Variants in VWF observed in about 807,000 individuals in gnomAD.
VWF encodes von Willebrand factor, also known as Factor VIII related antigen.
A neutral mutation model predicts 308.6 loss-of-function variants in VWF; 176 were observed. That is an observed-to-expected ratio of 0.57 (90% CI 0.50 to 0.65). The LOEUF is 0.65. Ranked by LOEUF, VWF falls within the 30% of genes least tolerant of loss-of-function variation. VWF has a pLI of 0.00. For synonymous variants in VWF, 1,385 were observed against 1,443.4 expected (o/e 0.96, Z 0.92); for missense variants, 3,146 against 3,648.2 (o/e 0.86, Z 3.55).
At chr12:5,988,770 C>T (rs889035641) in intron 38 of VWF, among the ~76,000 whole-genome samples, 2 of 152,204 alleles carry the variant, frequency 1.3e-5, no homozygotes, top group African/African-American at 2.4e-5. Context: ...CACTGCTGCA[C>T]AAGCCCAGGC....
intron 40 of VWF, among the ~76,000 whole-genome samples, chr12:5,983,484 C>G (rs908298077): frequency 1.3e-4 from 20 of 148,858 alleles, no homozygotes; most frequent in African/African-American, 4.4e-4. Context: ...TAGATACATA[C>G]ATACATACAT....
chr12:6,005,744 A>G (rs1222601853), intron 34 of VWF, among the ~76,000 whole-genome samples: 1 of 152,226 alleles, frequency 6.6e-6, no homozygotes, highest in East Asian at 1.9e-4. Context: ...ACGGGCAGCC[A>G]AGAATACTCT....
chr12:6,008,881 T>C (rs1190738120), intron 34 of VWF, among the ~76,000 whole-genome samples: 1 of 152,082 alleles, frequency 6.6e-6, no homozygotes, highest in Non-Finnish European at 1.5e-5. Flanking sequence ...AATGAACCTG[T>C]CCACATGAAA....
intron 42 of VWF, among the ~76,000 whole-genome samples, chr12:5,979,758 G>A (rs973803783): frequency 5.9e-5 from 8 of 135,752 alleles, no homozygotes; most frequent in African/African-American, 2.0e-4. Context: ...AAAGAAAAAC[G>A]AGGCCAGGCA....
chr12:6,047,274 G>A (rs532319220), intron 16 of VWF, among the ~76,000 whole-genome samples: 15 of 152,172 alleles, frequency 9.9e-5, no homozygotes, highest in Non-Finnish European at 1.6e-4. Flanking sequence ...TCAGCAGCTC[G>A]GACCGCTCCT....
chr12:5,960,198 C>T (rs1056815008), intron 47 of VWF, among the ~76,000 whole-genome samples: 7 of 151,292 alleles, frequency 4.6e-5, no homozygotes, highest in African/African-American at 1.7e-4. Flanking sequence ...ACTACAGATT[C>T]CACAGATATT....
In VWF at chr12:6,060,242, G is replaced by C. The variant is rs989347510; in HGVS notation, c.1534-2198C>G. Among the ~76,000 whole-genome samples, 5 of 152,198 alleles carry C rather than the reference G, an allele frequency of 3.3e-5. No homozygotes were observed. The highest frequency in any genetic ancestry group is 7.3e-5 in the Non-Finnish European group (5 of 68,028). On this transcript the variant is annotated intron_variant, in intron 13 of 51. Coordinates refer to ENST00000261405, the MANE Select transcript of VWF (RefSeq NM_000552.5). The surrounding 1 kb of genome is among the most constrained non-coding windows in gnomAD (Gnocchi z 5.1). ...TCCACACTGCTATGCCTAAGGCAGAGCTGGGCCCTGCAGGGCAGCCAGCAG... is the reference window on the plus strand; with the variant it reads ...TCCACACTGCTATGCCTAAGGCAGACCTGGGCCCTGCAGGGCAGCCAGCAG...
chr12:6,000,597 G>C (rs1943860424), intron 34 of VWF, among the ~76,000 whole-genome samples: 1 of 151,978 alleles, frequency 6.6e-6, no homozygotes, highest in Admixed American at 6.5e-5. Flanking sequence ...CACGAGGTCA[G>C]GTGATGGAGA....
intron 18 of VWF, among the ~76,000 whole-genome samples, chr12:6,042,675 C>G (rs1044058651): frequency 1.3e-5 from 2 of 152,196 alleles, no homozygotes; most frequent in African/African-American, 4.8e-5. Flanking sequence ...AGAATGCATG[C>G]CCAGTGCTTC....
At chr12:6,107,346 ACT>A (rs1338268516) in intron 5 of VWF, among the ~76,000 whole-genome samples, 1 of 152,152 alleles carries the variant, frequency 6.6e-6, no homozygotes, top group Admixed American at 6.6e-5. Flanking sequence ...TGGTTACATG[ACT>A]CTACGCTTTT....
At chr12:6,034,234 C>A (rs1316656511) in intron 20 of VWF, among the ~76,000 whole-genome samples, 1 of 152,210 alleles carries the variant, frequency 6.6e-6, no homozygotes, top group Non-Finnish European at 1.5e-5. Context: ...ATCCCCCTGT[C>A]CAGGGCCACT....
intron 7 of VWF, 130 bp from the exon 8 acceptor site, chr12:6,073,871 C>A: frequency 1.4e-6 from 2 of 1,436,798 alleles, no homozygotes; most frequent in Non-Finnish European, 1.9e-6. Flanking sequence ...CTTCCAGGTC[C>A]TTCTCACCCC....
chr12:5,962,538 C>CTTTTTTTTTTTT (rs35124526), intron 47 of VWF, among the ~76,000 whole-genome samples: 1 of 101,592 alleles, frequency 9.8e-6, no homozygotes, highest in Non-Finnish European at 2.0e-5. Context: ...ACAGGCAATT[C>CTTTTTTTTTTTT]TTTTTTTTTT....
chr12:6,123,207 G>A lies in VWF; in HGVS notation c.1-11C>T, dbSNP rs1172153831. 6.2e-7 allele frequency: 1 copy of A among 1,614,102 alleles called. No homozygotes were observed. The highest frequency in any genetic ancestry group is 8.5e-7 in the Non-Finnish European group (1 of 1,180,048). On this transcript the variant is annotated splice_polypyrimidine_tract_variant and intron_variant, in intron 1 of 51. Transcript: ENST00000261405. ...TCTGGCAGGAATCATCTGCAAAGAA[G>A]CAAGAGACGTGAGCTGGTCATTGCT...
chr12:5,968,283 G>T (rs1432742587), intron 45 of VWF, 116 bp from the exon 46 acceptor site: 1 of 1,317,806 alleles, frequency 7.6e-7, no homozygotes, highest in East Asian at 2.5e-5. Context: ...TCCTGTATCG[G>T]TCGGCCCTTT....
intron 2 of VWF, among the ~76,000 whole-genome samples, chr12:6,121,683 C>G (rs1180314629): frequency 6.6e-6 from 1 of 152,182 alleles, no homozygotes; most frequent in African/African-American, 2.4e-5. Flanking sequence ...ATAATCCCAG[C>G]ACTTTGGGAG....
chr12:6,089,870 T>C (rs976022469), intron 6 of VWF, among the ~76,000 whole-genome samples: 1 of 152,022 alleles, frequency 6.6e-6, no homozygotes, highest in African/African-American at 2.4e-5. Context: ...TGGAGAACAC[T>C]GAAGGGCAGC....
chr12:5,990,868 TAAAAAAAAAAAAAAAAAAAAAAAAAAA>T (rs755717764), intron 38 of VWF, among the ~76,000 whole-genome samples: 2 of 31,458 alleles, frequency 6.4e-5, no homozygotes, highest in Non-Finnish European at 5.3e-5. Context: ...CCCATAGAGC[TAAAAAAAAAAAAAAAAAAAAAAAAAAA>T]AAAAAAAAAA....
chr12:5,974,917 C>A (rs539966457), intron 43 of VWF, among the ~76,000 whole-genome samples: 1 of 152,294 alleles, frequency 6.6e-6, no homozygotes, highest in South Asian at 2.1e-4. Context: ...TCTTTGCAAG[C>A]AAAACTCCCC....
Sources: allele counts gnomAD v4.1 joint callset (sites outside exome capture counted in the v4.1 genomes callset), GRCh38; gene constraint gnomAD v4.1.1; non-coding constraint Gnocchi (gnomAD v3.1); transcripts MANE v1.5; gene names NCBI Gene and HGNC (gene_info 2026-07-23, HGNC 2026-07-21).